ADGB: variants seen among roughly 807,000 people sequenced by gnomAD.
ADGB encodes the protein calpain-7-like protein.
Under a neutral mutation model 210.5 loss-of-function variants are expected in ADGB, and 172 were observed. That is an observed-to-expected ratio of 0.82 (90% CI 0.72 to 0.93). The LOEUF (loss-of-function observed/expected upper bound fraction) is 0.93, where lower values mean the gene tolerates loss of function less well. Ranked by LOEUF, ADGB falls within the 40% of genes least tolerant of loss-of-function variation. The pLI is 0.00. For missense variants in ADGB, 2,025 were observed against 1,964.8 expected, an observed-to-expected ratio of 1.03 and a Z score of -0.58; for synonymous variants, 658 against 662.7, an observed-to-expected ratio of 0.99 and a Z score of 0.11.
intron 3 of ADGB, among the ~76,000 whole-genome samples, chr6:146,648,354 T>G (rs1387745685): frequency 2.0e-5 from 3 of 152,088 alleles, no homozygotes; most frequent in African/African-American, 2.4e-5. Flanking sequence ...GTTCAGCCAC[T>G]GTATTAGTCC....
chr6:146,777,963 G>T (rs768049977), intron 29 of ADGB, among the ~76,000 whole-genome samples: 9 of 152,154 alleles, frequency 5.9e-5, no homozygotes, highest in Non-Finnish European at 1.3e-4. Flanking sequence ...CACCAAAACT[G>T]TGAGTTGTTG....
chr6:146,726,220 G>GTTATTTAT, intron 19 of ADGB, 23 bp downstream of exon 19: 1 of 1,445,712 alleles, frequency 6.9e-7, no homozygotes, highest in South Asian at 1.2e-5. Flanking sequence ...GCAACAGCAA[G>GTTATTTAT]TTATTTATTT....
chr6:146,715,439 CT>C, intron 14 of ADGB, 24 bp downstream of exon 14: 3 of 1,476,908 alleles, frequency 2.0e-6, no homozygotes, highest in South Asian at 1.3e-5. Flanking sequence ...TTTCCTGTGA[CT>C]TTTTTCAATG....
chr6:146,757,456 A>T (rs1777424167), intron 27 of ADGB, among the ~76,000 whole-genome samples: 1 of 151,806 alleles, frequency 6.6e-6, no homozygotes, highest in African/African-American at 2.4e-5. Context: ...CTTTGAACAT[A>T]CTCTATCTCT....
At chr6:146,649,600 T>G (rs1327316917) in intron 3 of ADGB, among the ~76,000 whole-genome samples, 1 of 151,790 alleles carries the variant, frequency 6.6e-6, no homozygotes, top group Non-Finnish European at 1.5e-5. Context: ...AGGTGGTCCT[T>G]CCACCTTAGC....
chr6:146,659,373 A>G (rs765765987), intron 5 of ADGB, among the ~76,000 whole-genome samples: 1 of 152,162 alleles, frequency 6.6e-6, no homozygotes, highest in Non-Finnish European at 1.5e-5. Flanking sequence ...ATGAGACATG[A>G]TGAGTCTTCT....
rs117791785 is a variant in ADGB at position 146,703,207 on chromosome 6, A to T, written c.1707+2137A>T. 3.1e-3 allele frequency among the ~76,000 whole-genome samples: 476 copies of T among 151,878 alleles called. 2 individuals are homozygous for T. The highest frequency in any genetic ancestry group is 4.9e-3 in the Non-Finnish European group (331 of 67,762). ...TTATTCTTTATTAGATATGTATTTC[A>T]TATGTTCTAAGTTTATCTTTTCAAT... On this transcript the variant is annotated intron_variant, in intron 13 of 35. Transcript: ENST00000397944.
intron 7 of ADGB, among the ~76,000 whole-genome samples, chr6:146,670,453 C>G (rs1287803312): frequency 6.6e-6 from 1 of 152,116 alleles, no homozygotes; most frequent in Non-Finnish European, 1.5e-5. Flanking sequence ...ATGGGCTACT[C>G]TTATTTTTTT....
chr6:146,626,854 T>C (rs534618154), intron 1 of ADGB, among the ~76,000 whole-genome samples: 11 of 152,178 alleles, frequency 7.2e-5, no homozygotes, highest in African/African-American at 2.6e-4. Context: ...TAGTATTTTC[T>C]GTCTTTAATC....
At position 146,764,013 on chromosome 6, in the gene ADGB, T is replaced by G; in HGVS notation, c.3663T>G (p.Ser1221Arg). The change falls in exon 28 of 36, where the codon AGT becomes AGG. Residue 1221 changes from serine (S) to arginine (R), a missense_variant. By Grantham distance (110) the Ser-to-Arg change is moderately radical. Coordinates refer to ENST00000397944, the MANE Select transcript of ADGB (RefSeq NM_024694.4). ...AATCCCCCAAGGGTAGAGCTGTAAGTGCAATACAAGACATTGGTCTACCCC... is the reference window on the plus strand; with the variant it reads ...AATCCCCCAAGGGTAGAGCTGTAAGGGCAATACAAGACATTGGTCTACCCC... ...IQKSPKGRAV[S>R]AIQDIGLPLV... 6.4e-7 allele frequency: 1 copy of G among 1,551,514 alleles called. No individual in the cohort carries two copies. Among genetic ancestry groups the G allele is most frequent in the Non-Finnish European group, 8.7e-7 (1 of 1,146,874 alleles).
chr6:146,771,574 C>T (rs1008726648), intron 29 of ADGB, among the ~76,000 whole-genome samples: 4 of 152,186 alleles, frequency 2.6e-5, no homozygotes, highest in Non-Finnish European at 4.4e-5. Context: ...CCCTGGCCCC[C>T]ACCATTCTCT....
At chr6:146,692,759 A>C (rs1167686798) in intron 11 of ADGB, 66 bp from the exon 12 acceptor site, 1 of 834,606 alleles carries the variant, frequency 1.2e-6, no homozygotes, top group Non-Finnish European at 1.9e-6. Context: ...TAAATGTTAA[A>C]TTCTGTATGC....
chr6:146,684,667 T>C (rs1776198495), intron 9 of ADGB, among the ~76,000 whole-genome samples: 1 of 152,098 alleles, frequency 6.6e-6, no homozygotes, highest in Non-Finnish European at 1.5e-5. Context: ...CAATACACAG[T>C]ACCTTGTATT....
In ADGB at chr6:146,733,155, A is replaced by C; in HGVS notation, c.2556A>C (p.Lys852Asn). The change falls in exon 21 of 36, where the codon AAA (lysine) becomes AAC (asparagine). Residue 852 changes from lysine to asparagine, a missense_variant. Lys to Asn is a moderately conservative substitution (Grantham distance 94). Coordinates refer to ENST00000397944, the MANE Select transcript of ADGB (RefSeq NM_024694.4). The part of the protein sequence containing the change: ...FHLSLWRLMK[K>N]VQITKPPPNF... ...TTTCCTTATGGCGTTTAATGAAAAA[A>C]GTTCAAATAACAAAACCTCCTCCAA... 1 of 1,533,236 alleles carries C rather than the reference A, an allele frequency of 6.5e-7. No individual in the cohort carries two copies. Among genetic ancestry groups the C allele is most frequent in the African/African-American group, 1.4e-5 (1 of 72,534 alleles). 95.0% of individuals were successfully genotyped at this position (1,533,236 alleles called of 1,614,324 possible).
intron 20 of ADGB, among the ~76,000 whole-genome samples, chr6:146,730,731 T>A (rs1302232323): frequency 1.3e-5 from 2 of 152,120 alleles, no homozygotes; most frequent in Non-Finnish European, 2.9e-5. Context: ...TTATTTAGCT[T>A]TTTAGAAAGA....
At chr6:146,678,588 A>C (rs1429334128) in intron 9 of ADGB, among the ~76,000 whole-genome samples, 3 of 152,158 alleles carry the variant, frequency 2.0e-5, no homozygotes, top group African/African-American at 7.2e-5. Context: ...AAGTCACTGA[A>C]AATCTAATAT....
chr6:146,618,905 T>G (rs1237612939), intron 1 of ADGB, among the ~76,000 whole-genome samples: 1 of 152,066 alleles, frequency 6.6e-6, no homozygotes, highest in Non-Finnish European at 1.5e-5. Context: ...GTTTCTTTGT[T>G]GATTTTCTGT....
At chr6:146,765,605 TTAAA>T (rs1777561430) in intron 28 of ADGB, among the ~76,000 whole-genome samples, 1 of 150,696 alleles carries the variant, frequency 6.6e-6, no homozygotes, top group South Asian at 2.1e-4. Flanking sequence ...ATAAAATATA[TTAAA>T]TATACTAAAT....
intron 16 of ADGB, among the ~76,000 whole-genome samples, chr6:146,718,270 C>T (rs924446891): frequency 7.4e-5 from 11 of 148,194 alleles, no homozygotes; most frequent in Non-Finnish European, 1.5e-4. Flanking sequence ...TCGCTTGAAC[C>T]TGGGAGGCAG....
Sources: allele counts gnomAD v4.1 joint callset (sites outside exome capture counted in the v4.1 genomes callset), GRCh38; gene constraint gnomAD v4.1.1; transcripts MANE v1.5; gene names NCBI Gene and HGNC (gene_info 2026-07-23, HGNC 2026-07-21).